HLCS: variants seen among roughly 807,000 people sequenced by gnomAD.
The protein encoded by HLCS is biotin--protein ligase.
HLCS carries 53 observed loss-of-function variants against 75.0 expected under a neutral mutation model. The ratio of observed to expected loss-of-function variants is 0.71; its 90% confidence interval spans 0.57 to 0.89. The LOEUF (loss-of-function observed/expected upper bound fraction) is 0.89. HLCS is among the 40% of genes least tolerant of loss of function. HLCS has a pLI of 0.00. For missense variants in HLCS, 966 were observed against 1,074.0 expected, an observed-to-expected ratio of 0.90 and a Z score of 1.41; for synonymous variants, 431 against 428.6, an observed-to-expected ratio of 1.01 and a Z score of -0.07.
Position 36,936,702 on chromosome 21 carries a change from G to A in HLCS, c.1184C>T (p.Ser395Leu). The change falls in exon 4 of 11, where the codon TCA becomes TTA. Residue 395 changes from serine (S) to leucine (L), a missense_variant. Coordinates refer to ENST00000674895, the MANE Select transcript of HLCS (RefSeq NM_001352514.2). ...CTGAAAGCCACCAAAGGTGAAGGAT[G>A]AAGACAGGCCCAACACCTTCCCTCC... is the stretch of plus-strand genomic sequence containing the variant. ...SQGGKVLGLSSSFTFGGFQVT... is the reference protein window; with the variant it reads ...SQGGKVLGLSLSFTFGGFQVT... 1 of 1,614,226 alleles carries A rather than the reference G, an allele frequency of 6.2e-7. No homozygotes were observed. The highest frequency in any genetic ancestry group is 8.5e-7 in the Non-Finnish European group (1 of 1,180,044).
chr21:36,856,896 C>T (rs2063214443), intron 6 of HLCS, among the ~76,000 whole-genome samples: 1 of 152,162 alleles, frequency 6.6e-6, no homozygotes, highest in African/African-American at 2.4e-5. Context: ...CACAGACATA[C>T]ATACAAGGTA....
intron 6 of HLCS, among the ~76,000 whole-genome samples, chr21:36,825,986 G>A (rs1378314488): frequency 6.6e-6 from 1 of 152,066 alleles, no homozygotes; most frequent in Admixed American, 6.5e-5. Flanking sequence ...GAAGGCAGAG[G>A]GAGTTTCTTC....
intron 6 of HLCS, among the ~76,000 whole-genome samples, chr21:36,779,428 C>A (rs2060461928): frequency 6.6e-6 from 1 of 152,070 alleles, no homozygotes; most frequent in Admixed American, 6.5e-5. Flanking sequence ...TCATCATAAA[C>A]TCCAATCCAA....
At chr21:36,771,802 C>A (rs1005656777) in intron 6 of HLCS, among the ~76,000 whole-genome samples, 2 of 152,038 alleles carry the variant, frequency 1.3e-5, no homozygotes, top group African/African-American at 4.8e-5. Context: ...AGTTCGGGAC[C>A]AGCTGGCCAA....
intron 6 of HLCS, among the ~76,000 whole-genome samples, chr21:36,879,386 T>C (rs1429872499): frequency 6.6e-6 from 1 of 152,202 alleles, no homozygotes; most frequent in Admixed American, 6.5e-5. Flanking sequence ...AAATAAATTA[T>C]GATAGACTAA....
intron 1 of HLCS, among the ~76,000 whole-genome samples, chr21:36,982,887 G>A (rs1347098676): frequency 6.6e-6 from 1 of 152,156 alleles, no homozygotes; most frequent in African/African-American, 2.4e-5. Context: ...AAATTAGCCA[G>A]CCATGGTGGC....
chr21:36,774,550 C>G (rs1361364314), intron 6 of HLCS, among the ~76,000 whole-genome samples: 1 of 152,146 alleles, frequency 6.6e-6, no homozygotes, highest in African/African-American at 2.4e-5. Context: ...ACCTCCTCCT[C>G]TTGGGGATAA....
chr21:36,871,950 C>T (rs891991644), intron 6 of HLCS, among the ~76,000 whole-genome samples: 1 of 152,166 alleles, frequency 6.6e-6, no homozygotes, highest in African/African-American at 2.4e-5. Context: ...CAACTGCACA[C>T]CCACCAGACC....
Position 36,758,758 on chromosome 21 carries a change from G to A in HLCS, c.2236+969C>T, listed in dbSNP as rs988350573. 3.3e-5 allele frequency among the ~76,000 whole-genome samples: 5 copies of A among 152,148 alleles called. No homozygotes were observed. The South Asian group carries it at 8.3e-4, about 25-fold the overall frequency. On this transcript the variant is annotated intron_variant, in intron 9 of 10. Coordinates refer to ENST00000674895, the MANE Select transcript of HLCS (RefSeq NM_001352514.2). ...AGCACTCTGGGAGGCCGAGGCGGGC[G>A]GATCATGAGTTCAGGAGTTTGATAC...
At chr21:36,983,317 TC>T (rs1176852601) in intron 1 of HLCS, among the ~76,000 whole-genome samples, 1 of 151,792 alleles carries the variant, frequency 6.6e-6, no homozygotes, top group Non-Finnish European at 1.5e-5. Context: ...TTCAAGTGAT[TC>T]TCCTGCCTCA....
At chr21:36,876,666 C>T (rs1019186043) in intron 6 of HLCS, among the ~76,000 whole-genome samples, 12 of 152,036 alleles carry the variant, frequency 7.9e-5, no homozygotes, top group Non-Finnish European at 1.5e-4. Flanking sequence ...GTTTTATGAC[C>T]CAGCACATAG....
chr21:36,969,358 G>C (rs545033280), upstream of HLCS, among the ~76,000 whole-genome samples: 3 of 152,278 alleles, frequency 2.0e-5, no homozygotes, highest in East Asian at 5.8e-4. Context: ...TAGAGCAGCA[G>C]CAGCAGCATC....
rs553781798 is a variant in HLCS at position 36,792,227 on chromosome 21, C to T, written c.1893-24942G>A. Among the ~76,000 whole-genome samples the T allele has an allele frequency of 3.3e-5, 5 of 152,198 alleles. No homozygotes were observed. In the East Asian group the frequency reaches 7.8e-4, roughly 24 times the overall value. ...CGGCGGCTACCCCGCAGGCTCCCAG[C>T]GCTACGCTCTGGGGACCGTCAGCCT... On this transcript the variant is annotated intron_variant, in intron 6 of 10. Coordinates refer to ENST00000674895, the MANE Select transcript of HLCS (RefSeq NM_001352514.2).
chr21:36,819,408 GA>G (rs1254891057), intron 6 of HLCS, among the ~76,000 whole-genome samples: 1 of 152,170 alleles, frequency 6.6e-6, no homozygotes, highest in African/African-American at 2.4e-5. Flanking sequence ...TCTTCTGTAT[GA>G]ATCGAATATT....
chr21:36,750,193 C>T lies in HLCS; in HGVS notation c.*4053G>A, dbSNP rs1436390344. 6.6e-6 allele frequency among the ~76,000 whole-genome samples: 1 copy of T among 152,112 alleles called. No homozygotes were observed. Among genetic ancestry groups the T allele is most frequent in the African/African-American group, 2.4e-5 (1 of 41,422 alleles). The stretch of plus-strand genomic sequence containing the variant: ...GAGGCTCCGGCAGGGGAAGAGGAAG[C>T]ATTTTAATACATATGCCTCTCTTTT... On this transcript the variant is annotated 3_prime_UTR_variant, in exon 11 of 11. Coordinates refer to ENST00000674895, the MANE Select transcript of HLCS (RefSeq NM_001352514.2).
chr21:36,833,526 A>G (rs2146060105), intron 6 of HLCS, among the ~76,000 whole-genome samples: 1 of 151,344 alleles, frequency 6.6e-6, no homozygotes, highest in Admixed American at 6.6e-5. Flanking sequence ...TGGAGGTTGC[A>G]GTGAGCCAAG....
chr21:36,858,763 A>T (rs2063286371), intron 6 of HLCS, among the ~76,000 whole-genome samples: 1 of 152,204 alleles, frequency 6.6e-6, no homozygotes, highest in Non-Finnish European at 1.5e-5. Flanking sequence ...GGAGACAGGG[A>T]GCAGGCCATG....
At chr21:36,955,645 A>T (rs897713214) in intron 2 of HLCS, among the ~76,000 whole-genome samples, 2 of 152,226 alleles carry the variant, frequency 1.3e-5, no homozygotes, top group African/African-American at 4.8e-5. Flanking sequence ...TAGTAAGCTA[A>T]GATTAATTTA....
At chr21:36,858,596 T>C (rs559832437) in intron 6 of HLCS, among the ~76,000 whole-genome samples, 1 of 152,278 alleles carries the variant, frequency 6.6e-6, no homozygotes, top group South Asian at 2.1e-4. Context: ...AAGGTTTAAG[T>C]GATAGAGACA....
Sources: allele counts gnomAD v4.1 joint callset (sites outside exome capture counted in the v4.1 genomes callset), GRCh38; gene constraint gnomAD v4.1.1; transcripts MANE v1.5; gene names NCBI Gene and HGNC (gene_info 2026-07-23, HGNC 2026-07-21).